The following EYS variants were observed in gnomAD, a reference collection of about 807,000 sequenced individuals.
EYS encodes EGF-like photoreceptor maintenance factor, also known as protein eyes shut homolog.
A neutral mutation model predicts 282.1 loss-of-function variants in EYS; 250 were observed. That is an observed-to-expected ratio of 0.89 (90% CI 0.80 to 0.98). The LOEUF (loss-of-function observed/expected upper bound fraction) is 0.98, where lower values mean the gene tolerates loss of function less well. Among genes scored for constraint, EYS ranks in the 50% least tolerant of loss-of-function variants. The pLI is 0.00. For synonymous variants in EYS, 1,355 were observed against 1,282.9 expected (o/e 1.06, Z -1.20); for missense variants, 4,016 against 3,709.0 (o/e 1.08, Z -2.15).
chr6:64,789,862 C>T lies in EYS; in HGVS notation c.3443+23516G>A, dbSNP rs537555252. 5.6e-4 allele frequency among the ~76,000 whole-genome samples: 82 copies of T among 147,724 alleles called. 1 individual carries two copies. Among genetic ancestry groups the T allele is most frequent in the Non-Finnish European group, 9.3e-4 (62 of 66,992 alleles). On this transcript the variant is annotated intron_variant, in intron 22 of 42. Coordinates refer to ENST00000503581, the MANE Select transcript of EYS (RefSeq NM_001142800.2). ...CATCCAATGACTACTACAAGGAAAG[C>T]GATGGGATTCTAAAGTTGTATGATA... is the stretch of plus-strand genomic sequence containing the variant.
chr6:64,404,883 T>C (rs1773657374), intron 28 of EYS, among the ~76,000 whole-genome samples: 1 of 152,074 alleles, frequency 6.6e-6, no homozygotes, highest in Admixed American at 6.6e-5. Context: ...TCCTGAAGAA[T>C]TGATGCAGAA....
At chr6:65,036,739 C>A (rs1160979699) in intron 13 of EYS, among the ~76,000 whole-genome samples, 1 of 151,724 alleles carries the variant, frequency 6.6e-6, no homozygotes, top group Non-Finnish European at 1.5e-5. Flanking sequence ...TAGATAAATG[C>A]AAATCAAAAC....
At chr6:64,096,508 C>G (rs1282855796) in intron 31 of EYS, among the ~76,000 whole-genome samples, 2 of 152,190 alleles carry the variant, frequency 1.3e-5, no homozygotes, top group Non-Finnish European at 2.9e-5. Context: ...ATTTCATCTT[C>G]CATCATTGAT....
At position 64,524,907 on chromosome 6, in the gene EYS, C is replaced by T. The variant is rs183785571; in HGVS notation, c.5644+65316G>A. 5.9e-5 allele frequency among the ~76,000 whole-genome samples: 9 copies of T among 151,656 alleles called. No individual in the cohort carries two copies. The East Asian group carries it at 1.2e-3, about 20-fold the overall frequency. ...TTTCAAAAGAAGACATACACATGGCCAACAAGCATATGAAGAAAAACTCAA... is the reference window on the plus strand; with the variant it reads ...TTTCAAAAGAAGACATACACATGGCTAACAAGCATATGAAGAAAAACTCAA... On this transcript the variant is annotated intron_variant, in intron 26 of 42. Coordinates refer to ENST00000503581, the MANE Select transcript of EYS (RefSeq NM_001142800.2).
At chr6:65,417,623 C>G (rs111227666) in intron 5 of EYS, among the ~76,000 whole-genome samples, 106 of 152,130 alleles carry the variant, frequency 7.0e-4, no homozygotes, top group Middle Eastern at 3.4e-3. Flanking sequence ...AGTATGAAAG[C>G]AAAGATTACA....
rs71551553 is a variant in EYS at position 64,000,168 on chromosome 6, C to CTTTTTT, written c.6726-991_6726-986dup. Among the ~76,000 whole-genome samples the CTTTTTT allele has an allele frequency of 1.2e-3, 51 of 42,726 alleles. 14 individuals carry two copies. Among genetic ancestry groups the CTTTTTT allele is most frequent in the East Asian group, 4.3e-3 (5 of 1,170 alleles). 28.0% of individuals were successfully genotyped at this position (42,726 alleles called of 152,430 possible). ...CTGAGGAGTTTCCCAAGACATGGGACTTTTTTTTTTTTTTTTTTTTTTTTT... is the reference window on the plus strand; with the variant it reads ...CTGAGGAGTTTCCCAAGACATGGGACTTTTTTTTTTTTTTTTTTTTTTTTTTTTTTT... On this transcript the variant is annotated intron_variant, in intron 33 of 42. Coordinates refer to ENST00000503581, the MANE Select transcript of EYS (RefSeq NM_001142800.2).
At chr6:64,315,391 A>T (rs914032374) in intron 29 of EYS, among the ~76,000 whole-genome samples, 1 of 152,190 alleles carries the variant, frequency 6.6e-6, no homozygotes, top group Admixed American at 6.5e-5. Flanking sequence ...ATGGAAAAAA[A>T]GGGAAACCTC....
chr6:64,151,344 TATATATATATATATATATAA>T (rs1562226719), intron 31 of EYS, among the ~76,000 whole-genome samples: 2 of 118,674 alleles, frequency 1.7e-5, no homozygotes, highest in Admixed American at 1.6e-4. Context: ...TATATATATA[TATATATATATATATATATAA>T]TTTTTTTTTT....
intron 30 of EYS, among the ~76,000 whole-genome samples, chr6:64,263,083 TA>T (rs1767641640): frequency 6.6e-6 from 1 of 151,826 alleles, no homozygotes; most frequent in South Asian, 2.1e-4. Flanking sequence ...GTGATGATAG[TA>T]AACGCTAGTG....
chr6:64,342,409 C>G (rs946744788), intron 29 of EYS, among the ~76,000 whole-genome samples: 11 of 151,818 alleles, frequency 7.2e-5, no homozygotes, highest in African/African-American at 2.7e-4. Context: ...GGGGCCAATA[C>G]TCAACATTCT....
intron 23 of EYS, among the ~76,000 whole-genome samples, chr6:64,617,867 A>C (rs1422048642): frequency 2.0e-5 from 3 of 152,188 alleles, no homozygotes; most frequent in African/African-American, 7.2e-5. Context: ...TACTTATTTT[A>C]CTTTGGAATA....
intron 12 of EYS, among the ~76,000 whole-genome samples, chr6:65,233,714 A>G (rs936398584): frequency 6.6e-6 from 1 of 152,150 alleles, no homozygotes. Flanking sequence ...AAAGCTGAGG[A>G]TAAGTGTTAT....
intron 22 of EYS, among the ~76,000 whole-genome samples, chr6:64,692,455 G>A (rs1359286814): frequency 1.3e-5 from 2 of 152,088 alleles, no homozygotes; most frequent in Non-Finnish European, 2.9e-5. Flanking sequence ...CTGCAAAGAA[G>A]CTCTTTAGTT....
chr6:65,541,747 G>C (rs1167766655), intron 2 of EYS, among the ~76,000 whole-genome samples: 1 of 151,888 alleles, frequency 6.6e-6, no homozygotes, highest in Non-Finnish European at 1.5e-5. Flanking sequence ...GTCAGATCTT[G>C]TATGCTGCCC....
chr6:64,009,043 G>A (rs1364520123), intron 33 of EYS, among the ~76,000 whole-genome samples: 1 of 152,188 alleles, frequency 6.6e-6, no homozygotes, highest in Non-Finnish European at 1.5e-5. Flanking sequence ...TTTCATGAAT[G>A]ATACCCTGAA....
chr6:64,862,518 C>A (rs549325745), intron 19 of EYS, among the ~76,000 whole-genome samples: 1 of 152,122 alleles, frequency 6.6e-6, no homozygotes, highest in East Asian at 1.9e-4. Flanking sequence ...AATTGTTCAT[C>A]TTTTCACTCA....
chr6:64,423,493 C>T (rs559207379), intron 28 of EYS, among the ~76,000 whole-genome samples: 3 of 152,306 alleles, frequency 2.0e-5, no homozygotes, highest in African/African-American at 4.8e-5. Context: ...ATTATAGAAT[C>T]GTCATGCCTC....
intron 26 of EYS, among the ~76,000 whole-genome samples, chr6:64,588,738 T>C (rs1319302423): frequency 3.3e-5 from 5 of 152,082 alleles, no homozygotes; most frequent in African/African-American, 7.2e-5. Flanking sequence ...CCAGTTAGAC[T>C]GTTTATTCGC....
intron 12 of EYS, among the ~76,000 whole-genome samples, chr6:65,197,045 G>C (rs1047231590): frequency 1.3e-5 from 2 of 151,994 alleles, no homozygotes; most frequent in Non-Finnish European, 2.9e-5. Flanking sequence ...TTTTAAACAA[G>C]GCTTTTCCAA....
Sources: allele counts gnomAD v4.1 joint callset (sites outside exome capture counted in the v4.1 genomes callset), GRCh38; gene constraint gnomAD v4.1.1; transcripts MANE v1.5; gene names NCBI Gene and HGNC (gene_info 2026-07-23, HGNC 2026-07-21).